The following SERGEF variants were observed in gnomAD, a reference collection of about 807,000 sequenced individuals.
The protein encoded by SERGEF is secretion-regulating guanine nucleotide exchange factor.
SERGEF carries 51 observed loss-of-function variants against 50.0 expected under a neutral mutation model. The observed-to-expected ratio is 1.02, with a 90% confidence interval of 0.81 to 1.29. The LOEUF (loss-of-function observed/expected upper bound fraction) is 1.29. SERGEF is among the 50% of genes most tolerant of loss of function. The pLI is 0.00. For missense variants in SERGEF, 521 were observed against 557.0 expected, an observed-to-expected ratio of 0.94 and a Z score of 0.65; for synonymous variants, 205 against 212.4, an observed-to-expected ratio of 0.97 and a Z score of 0.30.
At chr11:18,008,817 T>G (rs1173022005) in intron 1 of SERGEF, among the ~76,000 whole-genome samples, 1 of 151,698 alleles carries the variant, frequency 6.6e-6, no homozygotes, top group African/African-American at 2.4e-5. Flanking sequence ...AGCCCCCAAA[T>G]GAGAACACTA....
At chr11:17,789,677 A>C (rs997172689) in intron 10 of SERGEF, among the ~76,000 whole-genome samples, 3 of 152,274 alleles carry the variant, frequency 2.0e-5, no homozygotes, top group Non-Finnish European at 4.4e-5. Flanking sequence ...AACTTGCAGA[A>C]TCTTGCCCTT....
At chr11:18,012,671 A>T in intron 1 of SERGEF, 2 of 1,171,090 alleles carry the variant, frequency 1.7e-6, no homozygotes, top group Non-Finnish European at 1.1e-6. Flanking sequence ...TCGCGGAACC[A>T]GACGCTCTGC....
At chr11:17,819,597 G>A (rs116862845) in intron 10 of SERGEF, among the ~76,000 whole-genome samples, 3,173 of 152,280 alleles carry the variant, frequency 0.021, 70 homozygotes, top group Non-Finnish European at 0.024. Context: ...CTCTGCCTCC[G>A]GTGCAGGACC....
rs147868201 is a variant in SERGEF, at chr11:17,889,468, T to C, written c.1012-11224A>G. ...ATGAGGAAAAATCAGATAAAACCAATTGAGGGACATTATATACAAAACAAC... is the reference window on the plus strand; with the variant it reads ...ATGAGGAAAAATCAGATAAAACCAACTGAGGGACATTATATACAAAACAAC... On this transcript the variant is annotated intron_variant, in intron 9 of 10. Coordinates refer to ENST00000265965, the MANE Select transcript of SERGEF (RefSeq NM_012139.4). Among the ~76,000 whole-genome samples, 132 of 152,214 alleles carry C rather than the reference T, an allele frequency of 8.7e-4. 1 individual carries two copies. Among genetic ancestry groups the C allele is most frequent in the African/African-American group, 3.1e-3 (128 of 41,540 alleles).
intron 9 of SERGEF, among the ~76,000 whole-genome samples, chr11:17,957,738 G>GAAA (rs201005017): frequency 7.4e-6 from 1 of 134,844 alleles, no homozygotes; most frequent in Non-Finnish European, 1.6e-5. Flanking sequence ...CTAGTGGTGG[G>GAAA]AAAAAAAAAA....
intron 10 of SERGEF, among the ~76,000 whole-genome samples, chr11:17,839,105 G>A (rs1850454957): frequency 6.6e-6 from 1 of 152,188 alleles, no homozygotes; most frequent in Non-Finnish European, 1.5e-5. Flanking sequence ...TGATGACTAT[G>A]ATGGATACCC....
intron 9 of SERGEF, among the ~76,000 whole-genome samples, chr11:17,897,179 C>T (rs1329058460): frequency 1.3e-5 from 2 of 152,160 alleles, no homozygotes; most frequent in Non-Finnish European, 2.9e-5. Context: ...AACTGGAGAG[C>T]AGCATCTATT....
chr11:17,818,457 A>G (rs1458756618), intron 10 of SERGEF, among the ~76,000 whole-genome samples: 1 of 152,214 alleles, frequency 6.6e-6, no homozygotes, highest in Non-Finnish European at 1.5e-5. Context: ...TTCCACAAAA[A>G]TCCCATGAGA....
chr11:17,985,407 G>A (rs753922891), intron 8 of SERGEF, among the ~76,000 whole-genome samples: 2 of 152,080 alleles, frequency 1.3e-5, no homozygotes, highest in African/African-American at 2.4e-5. Flanking sequence ...AACAAACTAG[G>A]AAGGCACCCA....
intron 7 of SERGEF, among the ~76,000 whole-genome samples, chr11:17,992,309 A>G (rs919745665): frequency 6.6e-6 from 1 of 152,224 alleles, no homozygotes; most frequent in Non-Finnish European, 1.5e-5. Context: ...TTAAAGATAA[A>G]TAGATACATA....
In SERGEF at chr11:17,807,618, G is replaced by A. The variant is rs576645471; in HGVS notation, c.1049-19205C>T. On this transcript the variant is annotated intron_variant, in intron 10 of 10. Transcript: ENST00000265965. ...TGATGCCGCCAACCAGGGATCTGCCGGCGTGGACCCTGGCAATTAGCACAG... is the reference window on the plus strand; with the variant it reads ...TGATGCCGCCAACCAGGGATCTGCCAGCGTGGACCCTGGCAATTAGCACAG... 7.9e-5 allele frequency among the ~76,000 whole-genome samples: 12 copies of A among 152,314 alleles called. No individual in the cohort carries two copies. The South Asian group carries it at 1.0e-3, about 13-fold the overall frequency.
intron 10 of SERGEF, among the ~76,000 whole-genome samples, chr11:17,807,676 G>C (rs1467059779): frequency 6.6e-6 from 1 of 152,236 alleles, no homozygotes; most frequent in Non-Finnish European, 1.5e-5. Context: ...AGGAGCCACT[G>C]ATTACCCTAA....
At chr11:17,864,106 A>G (rs1198347477) in intron 10 of SERGEF, among the ~76,000 whole-genome samples, 1 of 152,110 alleles carries the variant, frequency 6.6e-6, no homozygotes, top group African/African-American at 2.4e-5. Flanking sequence ...AATTTTTTGT[A>G]TTTTCCTCTT....
intron 10 of SERGEF, among the ~76,000 whole-genome samples, chr11:17,874,674 CCCTGTCTGGGACAATGAATAGCAGAAT>C (rs1565191875): frequency 6.6e-6 from 1 of 152,170 alleles, no homozygotes; most frequent in African/African-American, 2.4e-5. Context: ...GGGCCTGAGT[CCCTGTCTGGGACAATGAATAGCAGAAT>C]CCTGTCCTTG....
At chr11:17,817,503 A>AC (rs1373934976) in intron 10 of SERGEF, among the ~76,000 whole-genome samples, 5 of 152,218 alleles carry the variant, frequency 3.3e-5, no homozygotes, top group African/African-American at 1.2e-4. Flanking sequence ...GGCATGAGCC[A>AC]CCACGCCTGG....
chr11:17,899,179 G>T (rs1851700272), intron 9 of SERGEF, among the ~76,000 whole-genome samples: 1 of 152,150 alleles, frequency 6.6e-6, no homozygotes, highest in Non-Finnish European at 1.5e-5. Context: ...AATTTACCAA[G>T]TCTCAGATAT....
chr11:17,878,476 T>A (rs1253599952), intron 9 of SERGEF, among the ~76,000 whole-genome samples: 1 of 152,208 alleles, frequency 6.6e-6, no homozygotes, highest in Non-Finnish European at 1.5e-5. Flanking sequence ...TAAAGTTGTC[T>A]TTAGCTAGTG....
chr11:18,000,318 A>G (rs533215649), intron 5 of SERGEF, among the ~76,000 whole-genome samples, 179 bp downstream of exon 5: 10 of 152,198 alleles, frequency 6.6e-5, no homozygotes, highest in African/African-American at 2.2e-4. Flanking sequence ...GCATGGTGGC[A>G]TGCACCTATA....
At position 17,870,678 on chromosome 11, in the gene SERGEF, ACTC is replaced by A. The variant is rs550530482; in HGVS notation, c.1048+7527_1048+7529del. 6.2e-4 allele frequency among the ~76,000 whole-genome samples: 94 copies of A among 152,060 alleles called. 2 individuals carry two copies. The East Asian group carries it at 0.018, about 29-fold the overall frequency. On this transcript the variant is annotated intron_variant, in intron 10 of 10. Transcript: ENST00000265965. ...AAACTAATACGGGTGTGAATGAAAA[ACTC>A]CTCATAAAAGAGAAAATACAAATAG...
Sources: gnomAD v4.1 joint callset for allele counts (sites outside exome capture counted in the v4.1 genomes callset) on GRCh38, gnomAD v4.1.1 for gene constraint, MANE v1.5 for transcripts, NCBI Gene and HGNC (gene_info 2026-07-23, HGNC 2026-07-21) for gene names.